Variants in RBFOX1 observed in about 807,000 individuals in gnomAD.
RBFOX1 encodes RNA binding protein fox-1 homolog 1.
RBFOX1 carries 8 observed loss-of-function variants against 57.7 expected under a neutral mutation model. The observed-to-expected ratio is 0.14, with a 90% CI of 0.08 to 0.25. RBFOX1 has a LOEUF of 0.25. Ranked by LOEUF, RBFOX1 falls within the 10% of genes least tolerant of loss-of-function variation. RBFOX1 has a pLI of 1.00. For missense variants in RBFOX1, 611 were observed against 548.5 expected (o/e 1.11, Z -1.14); for synonymous variants, 326 against 222.4 (o/e 1.47, Z -4.15).
At chr16:6,688,265 A>AAACAACCACATCTCATGAG (rs1304011630) in intron 3 of RBFOX1, among the ~76,000 whole-genome samples, 1 of 152,074 alleles carries the variant, frequency 6.6e-6, no homozygotes, top group Non-Finnish European at 1.5e-5. Flanking sequence ...ACACAATTGT[A>AAACAACCACATCTCATGAG]AACAACCACA....
At chr16:5,617,748 G>A (rs1402581458) in intron 3 of RBFOX1, among the ~76,000 whole-genome samples, 4 of 152,142 alleles carry the variant, frequency 2.6e-5, no homozygotes, top group Admixed American at 6.5e-5. Flanking sequence ...CTAATGCTGT[G>A]AACGGGAAAA....
intron 2 of RBFOX1, among the ~76,000 whole-genome samples, chr16:5,573,658 G>C (rs946863762): frequency 2.0e-5 from 3 of 152,072 alleles, no homozygotes; most frequent in Admixed American, 1.3e-4. Context: ...GCATCCCAAG[G>C]CTCCTCTCTA....
chr16:6,718,275 G>T (rs1036731647), intron 3 of RBFOX1, among the ~76,000 whole-genome samples: 1 of 152,150 alleles, frequency 6.6e-6, no homozygotes, highest in Non-Finnish European at 1.5e-5. Flanking sequence ...TATTCCACGT[G>T]CTGGGGTTGG....
rs559976897 is a variant in RBFOX1, at chr16:6,483,780, C to A, written c.-64+166723C>A. 515 of 1,400,540 alleles carry A rather than the reference C, an allele frequency of 3.7e-4. 2 individuals carry two copies. The South Asian group carries it at 7.6e-3, about 21-fold the overall frequency. The allele number at this position is 1,400,540 out of a possible 1,614,324, so 86.8% of individuals were successfully genotyped here. On this transcript the variant is annotated intron_variant, in intron 2 of 15. Coordinates refer to ENST00000550418, the MANE Select transcript of RBFOX1 (RefSeq NM_018723.4). ...GCCGTCAGCCGCTGTCCAACGTTAG[C>A]GCAGACACGGTGGCGGCGTGTGCGC...
intron 1 of RBFOX1, among the ~76,000 whole-genome samples, chr16:6,148,146 T>C (rs755310741): frequency 9.9e-5 from 15 of 152,136 alleles, no homozygotes; most frequent in Non-Finnish European, 1.6e-4. Context: ...CCGGCAAACA[T>C]GGTGAAACCC....
At chr16:6,269,770 G>T (rs1178898072) in intron 1 of RBFOX1, among the ~76,000 whole-genome samples, 1 of 152,090 alleles carries the variant, frequency 6.6e-6, no homozygotes, top group Admixed American at 6.5e-5. Flanking sequence ...AAGGATAAAA[G>T]CAGGAATTTT....
intron 1 of RBFOX1, among the ~76,000 whole-genome samples, chr16:5,347,018 C>G (rs1175014891): frequency 6.6e-6 from 1 of 151,990 alleles, no homozygotes; most frequent in Non-Finnish European, 1.5e-5. Flanking sequence ...GCTAACACAC[C>G]TACTTGGCTT....
intron 4 of RBFOX1, among the ~76,000 whole-genome samples, chr16:7,302,055 C>T (rs1276768347): frequency 6.6e-6 from 1 of 152,158 alleles, no homozygotes; most frequent in Non-Finnish European, 1.5e-5. Context: ...TGCCAGCACC[C>T]CCCAATAAAA....
intron 2 of RBFOX1, among the ~76,000 whole-genome samples, chr16:5,552,996 G>C (rs1199613280): frequency 6.6e-6 from 1 of 152,102 alleles, no homozygotes; most frequent in African/African-American, 2.4e-5. Context: ...CATGGATGAA[G>C]CTGGAAACCA....
intron 3 of RBFOX1, among the ~76,000 whole-genome samples, chr16:5,665,327 T>A (rs559606874): frequency 8.5e-4 from 130 of 152,258 alleles, no homozygotes; most frequent in Middle Eastern, 3.4e-3. Context: ...TTTCCAAGTG[T>A]CTGGCTCCTT....
chr16:5,246,681 T>C (rs1455567890), intron 1 of RBFOX1, among the ~76,000 whole-genome samples: 1 of 151,962 alleles, frequency 6.6e-6, no homozygotes, highest in Non-Finnish European at 1.5e-5. Context: ...TTCTTTCTTT[T>C]TTTTTTTTTG....
chr16:5,820,303 T>C (rs2055797762), intron 3 of RBFOX1, among the ~76,000 whole-genome samples: 1 of 152,190 alleles, frequency 6.6e-6, no homozygotes, highest in Non-Finnish European at 1.5e-5. Flanking sequence ...TCACGTGGAA[T>C]AGGGCACAGA....
At chr16:5,365,866 A>G (rs2065699378) in intron 1 of RBFOX1, 3 of 510,394 alleles carry the variant, frequency 5.9e-6, no homozygotes, top group African/African-American at 3.9e-5. Flanking sequence ...TGTGAACTCA[A>G]GGCTGACAAA....
intron 4 of RBFOX1, among the ~76,000 whole-genome samples, chr16:7,313,497 G>A (rs1462718807): frequency 8.5e-6 from 1 of 117,426 alleles, no homozygotes; most frequent in Non-Finnish European, 1.8e-5. Flanking sequence ...AAGGCTCTTT[G>A]GTTCCGTTCA....
At chr16:7,229,467 A>G (rs1195878491) in intron 4 of RBFOX1, among the ~76,000 whole-genome samples, 1 of 150,982 alleles carries the variant, frequency 6.6e-6, no homozygotes, top group Non-Finnish European at 1.5e-5. Flanking sequence ...AGAAGTCATT[A>G]TATGAGAATA....
chr16:5,293,738 C>T (rs1051862995), intron 1 of RBFOX1, among the ~76,000 whole-genome samples: 9 of 149,530 alleles, frequency 6.0e-5, no homozygotes, highest in African/African-American at 2.2e-4. Context: ...TGAATGGTTG[C>T]CAGGTGCTGG....
chr16:5,949,060 G>C (rs1043262764), intron 4 of RBFOX1, among the ~76,000 whole-genome samples: 3 of 152,112 alleles, frequency 2.0e-5, no homozygotes, highest in African/African-American at 7.2e-5. Context: ...TGTACTCTTT[G>C]AAGGTAATTG....
At chr16:7,223,712 G>GAA (rs71147673) in intron 4 of RBFOX1, among the ~76,000 whole-genome samples, 2,448 of 130,290 alleles carry the variant, frequency 0.019, 23 homozygotes, top group Non-Finnish European at 0.03. Flanking sequence ...CAGTGTTTCA[G>GAA]AAAAAAAAAA....
intron 3 of RBFOX1, among the ~76,000 whole-genome samples, chr16:6,972,308 G>C (rs955516104): frequency 6.6e-6 from 1 of 151,890 alleles, no homozygotes; most frequent in Non-Finnish European, 1.5e-5. Context: ...CTATGATTGG[G>C]CTACGTTTGC....
Sources: allele counts gnomAD v4.1 joint callset (sites outside exome capture counted in the v4.1 genomes callset), GRCh38; gene constraint gnomAD v4.1.1; transcripts MANE v1.5; gene names NCBI Gene and HGNC (gene_info 2026-07-23, HGNC 2026-07-21).